The following KIFAP3 variants were observed in gnomAD, a reference collection of about 807,000 sequenced individuals.
KIFAP3 encodes the protein kinesin associated protein 3, also known as kinesin-associated protein 3.
Under a neutral mutation model 106.5 loss-of-function variants are expected in KIFAP3, and 68 were observed. The ratio of observed to expected loss-of-function variants is 0.64; its 90% CI spans 0.53 to 0.78. KIFAP3 has a LOEUF of 0.78. Ranked by LOEUF, KIFAP3 falls within the 30% of genes least tolerant of loss-of-function variation. The pLI is 0.00. For missense variants in KIFAP3, 780 were observed against 941.8 expected (o/e 0.83, Z 2.25); for synonymous variants, 320 against 311.5 (o/e 1.03, Z -0.29).
chr1:169,961,386 G>C, intron 17 of KIFAP3, 151 bp from the exon 18 acceptor site: 1 of 560,902 alleles, frequency 1.8e-6, no homozygotes, highest in Admixed American at 3.2e-5. Context: ...TTATATAATA[G>C]CCAACAAAAA....
At chr1:170,042,600 T>A (rs1259179916) in intron 3 of KIFAP3, among the ~76,000 whole-genome samples, 1 of 152,246 alleles carries the variant, frequency 6.6e-6, no homozygotes. Context: ...GTGTTCTTCA[T>A]AAAGGGGAGG....
intron 7 of KIFAP3, among the ~76,000 whole-genome samples, chr1:170,033,515 G>A (rs1669521257): frequency 6.6e-6 from 1 of 151,874 alleles, no homozygotes; most frequent in East Asian, 1.9e-4. Context: ...ACATATCATG[G>A]TTGAACAGAT....
chr1:170,046,494 G>T (rs10919286), intron 3 of KIFAP3, among the ~76,000 whole-genome samples: 3 of 152,012 alleles, frequency 2.0e-5, no homozygotes, highest in Non-Finnish European at 4.4e-5. Flanking sequence ...ACATGAAAAA[G>T]AATTAGACCA....
intron 10 of KIFAP3, among the ~76,000 whole-genome samples, chr1:170,010,020 C>G (rs1668166582): frequency 6.6e-6 from 1 of 152,018 alleles, no homozygotes; most frequent in South Asian, 2.1e-4. Flanking sequence ...ATAGATCTCC[C>G]AGATGGTAGC....
At chr1:170,067,545 A>C (rs1671504592) in intron 1 of KIFAP3, 1 of 152,298 alleles carries the variant, frequency 6.6e-6, no homozygotes. Flanking sequence ...GGCAGTCTTC[A>C]AGATGGCAGC....
chr1:169,947,924 T>C (rs1484615012), intron 19 of KIFAP3, among the ~76,000 whole-genome samples: 1 of 151,308 alleles, frequency 6.6e-6, no homozygotes, highest in African/African-American at 2.4e-5. Flanking sequence ...CATTCACATA[T>C]AAAGTTTACT....
intron 10 of KIFAP3, among the ~76,000 whole-genome samples, chr1:170,013,870 A>G (rs1668374109): frequency 2.0e-5 from 3 of 152,190 alleles, no homozygotes; most frequent in Admixed American, 2.0e-4. Flanking sequence ...CAAAAGTGGA[A>G]GCCTTTAAGA....
intron 16 of KIFAP3, among the ~76,000 whole-genome samples, chr1:169,975,437 A>G (rs1666175045): frequency 6.6e-6 from 1 of 152,150 alleles, no homozygotes; most frequent in African/African-American, 2.4e-5. Context: ...ATTTATTTCA[A>G]ATATTCATAT....
intron 10 of KIFAP3, among the ~76,000 whole-genome samples, chr1:169,994,597 C>CT (rs1422701511): frequency 2.6e-5 from 4 of 151,976 alleles, no homozygotes; most frequent in Non-Finnish European, 5.9e-5. Flanking sequence ...TGAATGGACA[C>CT]TAGTAAGCAT....
At chr1:170,068,167 C>A (rs1486147497) in intron 1 of KIFAP3, 1 of 151,592 alleles carries the variant, frequency 6.6e-6, no homozygotes, top group African/African-American at 2.4e-5. Context: ...AAATATGAAA[C>A]ATGCAAAGAA....
chr1:170,041,825 G>C, intron 3 of KIFAP3: 1 of 1,478,818 alleles, frequency 6.8e-7, no homozygotes, highest in South Asian at 1.3e-5. Flanking sequence ...CAGAAGTCCT[G>C]CTGACCCTTC....
chr1:170,026,694 A>G (rs750649715), intron 8 of KIFAP3, among the ~76,000 whole-genome samples: 1 of 152,206 alleles, frequency 6.6e-6, no homozygotes, highest in African/African-American at 2.4e-5. Flanking sequence ...ATAGGAATTT[A>G]AGTGAGGCTG....
At chr1:169,947,978 C>T (rs1466899436) in intron 19 of KIFAP3, among the ~76,000 whole-genome samples, 3 of 150,798 alleles carry the variant, frequency 2.0e-5, no homozygotes, top group Non-Finnish European at 3.0e-5. Context: ...ACAAAAATCT[C>T]ATGGCACAAA....
chr1:170,073,347 C>T (rs1440384880), intron 1 of KIFAP3, among the ~76,000 whole-genome samples: 2 of 152,124 alleles, frequency 1.3e-5, no homozygotes, highest in Non-Finnish European at 2.9e-5. Flanking sequence ...CCTGTCTTGC[C>T]AGGACAATAG....
intron 1 of KIFAP3, among the ~76,000 whole-genome samples, chr1:170,073,989 T>C (rs1005074529): frequency 2.0e-5 from 3 of 152,124 alleles, no homozygotes; most frequent in African/African-American, 7.2e-5. Flanking sequence ...ATCCACCACT[T>C]CTTTCCCCTT....
intron 11 of KIFAP3, among the ~76,000 whole-genome samples, chr1:169,985,392 C>A (rs1666769202): frequency 6.6e-6 from 1 of 151,728 alleles, no homozygotes; most frequent in South Asian, 2.1e-4. Context: ...ATTTAGAAAA[C>A]AGAACCAAAA....
Position 169,982,655 on chromosome 1 carries a change from A to C in KIFAP3, c.1672+47T>G, listed in dbSNP as rs760398889. 11 of 1,316,870 alleles carry C rather than the reference A, an allele frequency of 8.4e-6. No homozygotes were observed. In the African/African-American group the frequency reaches 1.1e-4, roughly 13 times the overall value. The allele number at this position is 1,316,870 out of a possible 1,614,324, so 81.6% of individuals were successfully genotyped here. On this transcript the variant is annotated intron_variant, in intron 14 of 19. Coordinates refer to ENST00000361580, the MANE Select transcript of KIFAP3 (RefSeq NM_014970.4). ...CTCTAGCAGCCTTATCCATAACAGA[A>C]AGAAATAACTTAGTGATTATACAAA...
chr1:170,022,864 C>T (rs1668919038), intron 9 of KIFAP3, among the ~76,000 whole-genome samples: 1 of 151,992 alleles, frequency 6.6e-6, no homozygotes, highest in Non-Finnish European at 1.5e-5. Context: ...TAGTCAAGAT[C>T]TTTTTGATAG....
At chr1:170,000,485 A>G (rs929632535) in intron 10 of KIFAP3, among the ~76,000 whole-genome samples, 7 of 152,142 alleles carry the variant, frequency 4.6e-5, no homozygotes, top group African/African-American at 1.7e-4. Flanking sequence ...GAGAGCCCCT[A>G]AAGTTCTATC....
Sources: gnomAD v4.1 joint callset for allele counts (sites outside exome capture counted in the v4.1 genomes callset) on GRCh38, gnomAD v4.1.1 for gene constraint, MANE v1.5 for transcripts, NCBI Gene and HGNC (gene_info 2026-07-23, HGNC 2026-07-21) for gene names.